The following PCDH15 variants were observed in gnomAD, a reference collection of about 807,000 sequenced individuals.
PCDH15 encodes the protein protocadherin related 15, also known as protocadherin-15.
PCDH15 carries 129 observed loss-of-function variants against 178.5 expected under a neutral mutation model. The ratio of observed to expected loss-of-function variants is 0.72; its 90% CI spans 0.63 to 0.84. PCDH15 has a LOEUF of 0.84. Ranked by LOEUF, PCDH15 falls within the 40% of genes least tolerant of loss-of-function variation. PCDH15 has a pLI of 0.00. For missense variants in PCDH15, 2,230 were observed against 2,099.9 expected, an observed-to-expected ratio of 1.06 and a Z score of -1.21; for synonymous variants, 800 against 732.0, an observed-to-expected ratio of 1.09 and a Z score of -1.50.
intron 26 of PCDH15, among the ~76,000 whole-genome samples, chr10:53,884,334 G>C (rs186884275): frequency 6.6e-6 from 1 of 152,004 alleles, no homozygotes; most frequent in African/African-American, 2.4e-5. Context: ...TAACAAAGAG[G>C]GTATCATAAA....
At chr10:55,202,597 TGGAC>T (rs1238699260) in intron 1 of PCDH15, among the ~76,000 whole-genome samples, 1 of 152,080 alleles carries the variant, frequency 6.6e-6, no homozygotes, top group Non-Finnish European at 1.5e-5. Context: ...AAGAGACAAA[TGGAC>T]ACTCTCCTTG....
At chr10:55,584,220 G>A (rs1385924424) in intron 2 of PCDH15, among the ~76,000 whole-genome samples, 4 of 151,978 alleles carry the variant, frequency 2.6e-5, no homozygotes, top group African/African-American at 7.3e-5. Flanking sequence ...TTTCAGAGAT[G>A]AAGTTTGCCT....
intron 1 of PCDH15, among the ~76,000 whole-genome samples, chr10:54,749,728 G>C (rs1945948283): frequency 2.0e-5 from 3 of 152,198 alleles, no homozygotes; most frequent in Admixed American, 2.0e-4. Context: ...GTGATACAAA[G>C]GCAAATGCAA....
intron 2 of PCDH15, among the ~76,000 whole-genome samples, chr10:54,931,251 T>A (rs1346346546): frequency 1.3e-5 from 2 of 152,226 alleles, no homozygotes; most frequent in Non-Finnish European, 2.9e-5. Context: ...TTTTCTGGAA[T>A]ATATTCTGTT....
intron 2 of PCDH15, among the ~76,000 whole-genome samples, chr10:55,523,579 C>T (rs1201481992): frequency 6.6e-6 from 1 of 151,600 alleles, no homozygotes; most frequent in Non-Finnish European, 1.5e-5. Flanking sequence ...GGGCGATAGA[C>T]ATCAACACCA....
intron 8 of PCDH15, among the ~76,000 whole-genome samples, chr10:54,242,137 T>C (rs2055405966): frequency 3.2e-4 from 2 of 6,332 alleles, no homozygotes; most frequent in Non-Finnish European, 5.6e-4. Flanking sequence ...TTTTTATATA[T>C]ATATATATAT....
intron 2 of PCDH15, among the ~76,000 whole-genome samples, chr10:55,437,276 G>A (rs1483932716): frequency 6.6e-6 from 1 of 152,134 alleles, no homozygotes; most frequent in Non-Finnish European, 1.5e-5. Context: ...AATCAGGCAG[G>A]GCATGCACAG....
chr10:54,677,628 A>C (rs895521977), intron 1 of PCDH15, among the ~76,000 whole-genome samples: 2 of 152,160 alleles, frequency 1.3e-5, no homozygotes, highest in African/African-American at 4.8e-5. Context: ...GGGGCTCTGG[A>C]GACTGTGCAG....
At chr10:53,839,033 T>A (rs2077477122) in intron 29 of PCDH15, among the ~76,000 whole-genome samples, 1 of 151,740 alleles carries the variant, frequency 6.6e-6, no homozygotes, top group Admixed American at 6.6e-5. Context: ...TAAAACCCCG[T>A]CTCTACTAAA....
At chr10:54,721,861 TC>T (rs1490111436) in intron 1 of PCDH15, among the ~76,000 whole-genome samples, 1 of 151,862 alleles carries the variant, frequency 6.6e-6, no homozygotes, top group African/African-American at 2.4e-5. Context: ...CCTCCTTCTC[TC>T]TTTTAACAAA....
chr10:54,585,119 T>C (rs1367557628), intron 2 of PCDH15, among the ~76,000 whole-genome samples: 1 of 152,154 alleles, frequency 6.6e-6, no homozygotes, highest in Non-Finnish European at 1.5e-5. Context: ...TCTAGATTTA[T>C]AGGCTCTTTA....
rs901563777 is a variant in PCDH15 at position 55,532,395 on chromosome 10, C to T, written c.-156+95230G>A. ...ATAATTAAGGGTAGCTATACTCAGT[C>T]GCTTCATTAATTCCAACCTCATGCA... On this transcript the variant is annotated intron_variant, in intron 2 of 5. Transcript: ENST00000613346. 3.3e-5 allele frequency among the ~76,000 whole-genome samples: 5 copies of T among 151,940 alleles called. No individual in the cohort carries two copies. In the South Asian group the frequency reaches 6.2e-4, roughly 19 times the overall value.
chr10:55,520,330 A>ATATATATATATACACGCAATGTG lies in PCDH15; in HGVS notation c.-156+107294_-156+107295insCACATTGCGTGTATATATATATA, dbSNP rs1841142965. On this transcript the variant is annotated intron_variant, in intron 2 of 5. Transcript: ENST00000613346. ...ATATATATATACATGCAATGTGTAT[A>ATATATATATATACACGCAATGTG]TATATATATATATATATATACACAT... 9.2e-5 allele frequency among the ~76,000 whole-genome samples: 3 copies of ATATATATATATACACGCAATGTG among 32,440 alleles called. 1 individual carries two copies. The highest frequency in any genetic ancestry group is 6.4e-4 in the African/African-American group (3 of 4,698). 21.3% of individuals were successfully genotyped at this position (32,440 alleles called of 152,430 possible).
intron 1 of PCDH15, among the ~76,000 whole-genome samples, chr10:54,691,666 G>T (rs541385896): frequency 6.6e-6 from 1 of 151,924 alleles, no homozygotes; most frequent in East Asian, 2.0e-4. Context: ...ATATTTTACA[G>T]ACATTTTAGA....
chr10:53,905,681 T>C (rs186385893), intron 25 of PCDH15, among the ~76,000 whole-genome samples: 1 of 152,146 alleles, frequency 6.6e-6, no homozygotes, highest in Non-Finnish European at 1.5e-5. Flanking sequence ...TCCATACTTA[T>C]ATGTATACTT....
At chr10:55,231,088 T>A (rs1317545547) in intron 1 of PCDH15, among the ~76,000 whole-genome samples, 1 of 151,990 alleles carries the variant, frequency 6.6e-6, no homozygotes, top group Non-Finnish European at 1.5e-5. Flanking sequence ...AGGTGAAGAA[T>A]AAACTAATAT....
chr10:54,587,377 GAA>G (rs1222024624), intron 2 of PCDH15, among the ~76,000 whole-genome samples: 1 of 152,154 alleles, frequency 6.6e-6, no homozygotes, highest in East Asian at 1.9e-4. Context: ...ATCCCTGTGG[GAA>G]TATTGACACT....
intron 3 of PCDH15, among the ~76,000 whole-genome samples, chr10:54,408,313 T>C (rs1952976034): frequency 1.3e-5 from 2 of 152,070 alleles, no homozygotes; most frequent in South Asian, 2.1e-4. Flanking sequence ...TGGGCTCACA[T>C]AATATGTAAA....
At chr10:55,561,558 T>C (rs1054315952) in intron 2 of PCDH15, among the ~76,000 whole-genome samples, 5 of 151,922 alleles carry the variant, frequency 3.3e-5, no homozygotes, top group Admixed American at 1.3e-4. Context: ...ATGTGAGGGC[T>C]GATGATAAGA....
Sources: allele counts gnomAD v4.1 joint callset (sites outside exome capture counted in the v4.1 genomes callset), GRCh38; gene constraint gnomAD v4.1.1; transcripts MANE v1.5; gene names NCBI Gene and HGNC (gene_info 2026-07-23, HGNC 2026-07-21).